Variants in SLC24A5 observed in about 807,000 individuals in gnomAD.
The protein encoded by SLC24A5 is sodium/potassium/calcium exchanger 5.
SLC24A5 carries 46 observed loss-of-function variants against 51.6 expected under a neutral mutation model. The ratio of observed to expected loss-of-function variants is 0.89; its 90% CI spans 0.70 to 1.14. The LOEUF is 1.14. Ranked by LOEUF, SLC24A5 falls within the 50% of genes most tolerant of loss-of-function variation. The probability of loss-of-function intolerance (pLI) is 0.00; values close to 1 mark genes in which losing one functional copy is unlikely to be tolerated. For missense variants in SLC24A5, 581 were observed against 604.1 expected (o/e 0.96, Z 0.40); for synonymous variants, 230 against 214.9 (o/e 1.07, Z -0.62).
chr15:48,123,721 G>A (rs1308920050), intron 2 of SLC24A5: 1 of 152,096 alleles, frequency 6.6e-6, no homozygotes, highest in Non-Finnish European at 1.5e-5. Flanking sequence ...CTGATTAAGA[G>A]GCAGAGATGT....
intron 2 of SLC24A5, among the ~76,000 whole-genome samples, chr15:48,131,278 G>A (rs1231714129): frequency 6.6e-6 from 1 of 151,944 alleles, no homozygotes; most frequent in Non-Finnish European, 1.5e-5. Context: ...GTGATTATAC[G>A]TATGCATGTA....
chr15:48,122,221 A>G, intron 2 of SLC24A5, 185 bp downstream of exon 2: 1 of 635,610 alleles, frequency 1.6e-6, no homozygotes, highest in South Asian at 1.9e-5. Flanking sequence ...AGTTAATGTG[A>G]ATCAGAGTTT....
chr15:48,141,068 A>G, intron 7 of SLC24A5, 45 bp from the exon 8 acceptor site: 1 of 1,446,996 alleles, frequency 6.9e-7, no homozygotes, highest in East Asian at 2.3e-5. Flanking sequence ...AAGGATGGTT[A>G]GTGAATCTTT....
At chr15:48,126,564 C>G (rs915581298) in intron 2 of SLC24A5, among the ~76,000 whole-genome samples, 1 of 152,158 alleles carries the variant, frequency 6.6e-6, no homozygotes, top group African/African-American at 2.4e-5. Context: ...AGAAGAGGAG[C>G]ATTATCCAAG....
At chr15:48,124,234 T>A (rs1261633055) in intron 2 of SLC24A5, 1 of 152,128 alleles carries the variant, frequency 6.6e-6, no homozygotes, top group Non-Finnish European at 1.5e-5. Flanking sequence ...TATTTTATTC[T>A]ACATGCAGGA....
intron 6 of SLC24A5, chr15:48,137,763 T>C (rs1486570822): frequency 2.0e-5 from 3 of 151,990 alleles, no homozygotes; most frequent in African/African-American, 7.2e-5. Flanking sequence ...TTATTAAAAC[T>C]GGGAACTCAG....
In SLC24A5 at chr15:48,134,428, C is replaced by A; in HGVS notation, c.386-7C>A. On this transcript the variant is annotated splice_region_variant and splice_polypyrimidine_tract_variant and intron_variant, in intron 3 of 8. Transcript: ENST00000341459. ...CACTAACTTAGCTGGTACTATCTTG[C>A]ACATAGGTGTATTTATCACAAAGGG... The A allele has an allele frequency of 1.2e-6, 2 of 1,610,764 alleles. No homozygotes were observed. The highest frequency in any genetic ancestry group is 1.7e-6 in the Non-Finnish European group (2 of 1,177,112).
At position 48,122,051 on chromosome 15, in the gene SLC24A5, A is replaced by G. The variant is rs1352317939; in HGVS notation, c.301+15A>G. ...CATCAGTGAATGTAAGTGGCTGGAA[A>G]GTTGCCCTGTAACCTTCTGGGAGAG... On this transcript the variant is annotated intron_variant, in intron 2 of 8. Coordinates refer to ENST00000341459, the MANE Select transcript of SLC24A5 (RefSeq NM_205850.3). The G allele has an allele frequency of 2.7e-5, 43 of 1,613,626 alleles. No individual in the cohort carries two copies. The highest frequency in any genetic ancestry group is 3.6e-5 in the Non-Finnish European group (43 of 1,179,700).
At position 48,139,053 on chromosome 15, in the gene SLC24A5, T is replaced by C; in HGVS notation, c.956T>C (p.Phe319Ser). ...VLSLPIITLL[F>S]LTTPDCRKKF... The stretch of plus-strand genomic sequence containing the variant: ...TCCCTTCCTATTATTACATTACTTT[T>C]TCTAACCACACCAGATTGTAGAAAA... The change falls in exon 7 of 9, where the codon TTT becomes TCT. Residue 319 changes from phenylalanine to serine, a missense_variant. Coordinates refer to ENST00000341459, the MANE Select transcript of SLC24A5 (RefSeq NM_205850.3). The C allele has an allele frequency of 6.2e-7, 1 of 1,613,170 alleles. No homozygotes were observed. The highest frequency in any genetic ancestry group is 8.5e-7 in the Non-Finnish European group (1 of 1,179,354).
intron 2 of SLC24A5, among the ~76,000 whole-genome samples, chr15:48,126,161 T>C (rs1365874437): frequency 1.3e-5 from 2 of 152,160 alleles, no homozygotes; most frequent in Non-Finnish European, 2.9e-5. Context: ...AGGATTTTTT[T>C]TCCTTCTCCT....
intron 5 of SLC24A5, 130 bp from the exon 6 acceptor site, chr15:48,136,553 A>G: frequency 1.2e-6 from 1 of 855,772 alleles, no homozygotes; most frequent in Non-Finnish European, 1.7e-6. Flanking sequence ...AAAACAAAAA[A>G]TATCTAGAAA....
At chr15:48,138,787 G>T (rs1436249695) in intron 6 of SLC24A5, 182 bp from the exon 7 acceptor site, 2 of 572,556 alleles carry the variant, frequency 3.5e-6, no homozygotes, top group African/African-American at 1.9e-5. Flanking sequence ...TACATTGTCT[G>T]CCCTAAAGTT....
chr15:48,132,923 A>T (rs1247638942), intron 2 of SLC24A5, among the ~76,000 whole-genome samples: 1 of 152,116 alleles, frequency 6.6e-6, no homozygotes, highest in Non-Finnish European at 1.5e-5. Context: ...GGTTCTGGAA[A>T]ACTACGTGGA....
chr15:48,121,243 AAG>A (rs1193107244), intron 1 of SLC24A5, 78 bp downstream of exon 1: 1 of 1,461,916 alleles, frequency 6.8e-7, no homozygotes, highest in African/African-American at 1.4e-5. Context: ...AAGGGACAAA[AAG>A]AGGAAAATTC....
chr15:48,124,683 G>T (rs1373279678), intron 2 of SLC24A5: 2 of 152,116 alleles, frequency 1.3e-5, no homozygotes, highest in Non-Finnish European at 2.9e-5. Context: ...TCAAAATATT[G>T]TTCATTAAGT....
intron 2 of SLC24A5, chr15:48,123,563 G>T (rs560291640): frequency 6.6e-6 from 1 of 152,004 alleles, no homozygotes; most frequent in East Asian, 1.9e-4. Flanking sequence ...TCTGACACTG[G>T]TTTTTACACA....
intron 2 of SLC24A5, 74 bp downstream of exon 2, chr15:48,122,110 C>T (rs1458764823): frequency 1.4e-6 from 2 of 1,475,076 alleles, no homozygotes; most frequent in South Asian, 2.3e-5. Context: ...TTTGAAATAG[C>T]TCAGCAGCTG....
intron 2 of SLC24A5, among the ~76,000 whole-genome samples, chr15:48,133,156 G>A (rs751073285): frequency 7.9e-5 from 12 of 152,026 alleles, no homozygotes; most frequent in Admixed American, 2.0e-4. Context: ...AGACTGAAGC[G>A]TCAAAAACCA....
chr15:48,136,070 G>A (rs2038890914), intron 5 of SLC24A5: 1 of 152,088 alleles, frequency 6.6e-6, no homozygotes, highest in Non-Finnish European at 1.5e-5. Context: ...AACAGTTCTT[G>A]GTTCCAAGGG....
Sources: allele counts gnomAD v4.1 joint callset (sites outside exome capture counted in the v4.1 genomes callset), GRCh38; gene constraint gnomAD v4.1.1; transcripts MANE v1.5; gene names NCBI Gene and HGNC (gene_info 2026-07-23, HGNC 2026-07-21).